Variants in SLC7A2 observed in about 807,000 individuals in gnomAD.
The protein encoded by SLC7A2 is cationic amino acid transporter 2.
A neutral mutation model predicts 58.9 loss-of-function variants in SLC7A2; 48 were observed. That is an observed-to-expected ratio of 0.82 (90% CI 0.65 to 1.04). The LOEUF is 1.04. Among genes scored for constraint, SLC7A2 ranks in the 50% least tolerant of loss-of-function variants. The pLI is 0.00. For missense variants in SLC7A2, 1,029 were observed against 818.8 expected, an observed-to-expected ratio of 1.26 and a Z score of -3.13; for synonymous variants, 363 against 314.5, an observed-to-expected ratio of 1.15 and a Z score of -1.63.
rs775212018 is a variant in SLC7A2, at chr8:17,558,403, T to A, written c.1298+6T>A. 6.3e-7 allele frequency: 1 copy of A among 1,587,168 alleles called. No individual in the cohort carries two copies. The highest frequency in any genetic ancestry group is 1.1e-5 in the South Asian group (1 of 89,966). On this transcript the variant is annotated splice_donor_region_variant and intron_variant, in intron 9 of 12. Coordinates refer to ENST00000494857, the MANE Select transcript of SLC7A2 (RefSeq NM_001370338.1). ...GCCTGTGTTCTCATCCTCAGGTGAG[T>A]CACCTGGTGGTTCTACAGGGTGTAC...
At position 17,563,468 on chromosome 8, in the gene SLC7A2, C is replaced by T. The variant is rs150858134; in HGVS notation, c.1672-135C>T. On this transcript the variant is annotated intron_variant, in intron 11 of 12. Coordinates refer to ENST00000494857, the MANE Select transcript of SLC7A2 (RefSeq NM_001370338.1). ...AGATGTGATTCTCCTTTTATGGTCT[C>T]TAGAAGCGTGGTTTTAACTGTGATT... 1,822 of 624,276 alleles carry T rather than the reference C, an allele frequency of 2.9e-3. 30 individuals carry two copies. The highest frequency in any genetic ancestry group is 0.026 in the African/African-American group (1,439 of 54,420). 38.7% of individuals were successfully genotyped at this position (624,276 alleles called of 1,614,324 possible).
rs1803385996 is a variant in SLC7A2, at chr8:17,568,857, G to A, written c.*3711G>A. The A allele has an allele frequency of 6.6e-6, 1 of 152,144 alleles. No individual in the cohort carries two copies. Among genetic ancestry groups the A allele is most frequent in the Non-Finnish European group, 1.5e-5 (1 of 68,086 alleles). 9.4% of individuals were successfully genotyped at this position (152,144 alleles called of 1,614,324 possible). On this transcript the variant is annotated 3_prime_UTR_variant, in exon 13 of 13. Transcript: ENST00000494857. ...CATGCACATGTAGTCAGAGCTACTG[G>A]GGGTGCTGAGGTGGGAGGATCGCTT... is the stretch of plus-strand genomic sequence containing the variant.
intron 1 of SLC7A2, chr8:17,499,994 T>C (rs746295970): frequency 6.6e-6 from 1 of 152,242 alleles, no homozygotes; most frequent in African/African-American, 2.4e-5. Flanking sequence ...AAAAGATGTT[T>C]TATCTGTCTT....
At position 17,565,769 on chromosome 8, in the gene SLC7A2, G is replaced by C. The variant is rs1262449833; in HGVS notation, c.*623G>C. The C allele has an allele frequency of 2.0e-5, 3 of 152,312 alleles. No homozygotes were observed. Among genetic ancestry groups the C allele is most frequent in the Non-Finnish European group, 2.9e-5 (2 of 68,110 alleles). The allele number at this position is 152,312 out of a possible 1,614,324, so 9.4% of individuals were successfully genotyped here. Reference sequence around the variant, plus strand: ...ATTTTTTTTCCTGTGAGGTATGACAGTTTGCTCAAACTTCAGCCAACAGGG... The same window carrying C: ...ATTTTTTTTCCTGTGAGGTATGACACTTTGCTCAAACTTCAGCCAACAGGG... On this transcript the variant is annotated 3_prime_UTR_variant, in exon 13 of 13. Transcript: ENST00000494857.
intron 8 of SLC7A2, among the ~76,000 whole-genome samples, chr8:17,557,234 T>C (rs904932149): frequency 6.6e-6 from 1 of 152,236 alleles, no homozygotes; most frequent in Admixed American, 6.5e-5. Flanking sequence ...ATAAATGGAA[T>C]GTGATGTTAT....
At chr8:17,524,522 T>A (rs1309065254) in intron 2 of SLC7A2, among the ~76,000 whole-genome samples, 1 of 151,772 alleles carries the variant, frequency 6.6e-6, no homozygotes, top group African/African-American at 2.4e-5. Context: ...CTGGATGGAA[T>A]TGGATACTAT....
At position 17,568,321 on chromosome 8, in the gene SLC7A2, C is replaced by G. The variant is rs2150796459; in HGVS notation, c.*3175C>G. 1 of 151,986 alleles carries G rather than the reference C, an allele frequency of 6.6e-6. No homozygotes were observed. Among genetic ancestry groups the G allele is most frequent in the Non-Finnish European group, 1.5e-5 (1 of 67,990 alleles). 9.4% of individuals were successfully genotyped at this position (151,986 alleles called of 1,614,324 possible). On this transcript the variant is annotated 3_prime_UTR_variant, in exon 13 of 13. Transcript: ENST00000494857. ...ACATTTAAGAATAGAGCTATGCAAA[C>G]TCTGTTAAAAACTATGAGGAAAACT...
chr8:17,513,362 TG>T (rs1256296534), intron 2 of SLC7A2, among the ~76,000 whole-genome samples: 105 of 152,282 alleles, frequency 6.9e-4, no homozygotes, highest in African/African-American at 2.2e-3. Context: ...TAAGGGATAC[TG>T]AAGTCTGAAG....
At position 17,555,159 on chromosome 8, in the gene SLC7A2, T is replaced by C. The variant is rs1412184159; in HGVS notation, c.1195+460T>C. Reference sequence around the variant, plus strand: ...CGCATGCATGGACTTATAAAGAGGGTCTGCATGCTGTGCATGTAAGTTAAA... The same window carrying C: ...CGCATGCATGGACTTATAAAGAGGGCCTGCATGCTGTGCATGTAAGTTAAA... On this transcript the variant is annotated intron_variant, in intron 8 of 12. Transcript: ENST00000494857. The C allele has an allele frequency of 3.6e-6, 5 of 1,377,800 alleles. No homozygotes were observed. In the African/African-American group the frequency reaches 7.3e-5, roughly 20 times the overall value. 85.3% of individuals were successfully genotyped at this position (1,377,800 alleles called of 1,614,324 possible).
intron 2 of SLC7A2, among the ~76,000 whole-genome samples, chr8:17,541,727 T>C (rs1801919809): frequency 6.6e-6 from 1 of 152,258 alleles, no homozygotes. Flanking sequence ...AAGTTGTACA[T>C]ATTCATTGGA....
At chr8:17,509,302 C>CCTT (rs1554531193) in intron 2 of SLC7A2, among the ~76,000 whole-genome samples, 16 of 151,858 alleles carry the variant, frequency 1.1e-4, no homozygotes, top group Admixed American at 1.1e-3. Flanking sequence ...AGTATAATTT[C>CCTT]CTTATTCTTC....
At position 17,568,532 on chromosome 8, in the gene SLC7A2, A is replaced by T. The variant is rs1275454438; in HGVS notation, c.*3386A>T. 1 of 152,066 alleles carries T rather than the reference A, an allele frequency of 6.6e-6. No individual in the cohort carries two copies. The highest frequency in any genetic ancestry group is 1.5e-5 in the Non-Finnish European group (1 of 68,034). 9.4% of individuals were successfully genotyped at this position (152,066 alleles called of 1,614,324 possible). A position where few individuals can be genotyped will look rare whatever the true frequency, so the allele number is the denominator to read the frequency against. ...GATAGAAAATATTAGTTTCAGAATT[A>T]CCCTCCTTTAAAAAATAAGAGACTA... On this transcript the variant is annotated 3_prime_UTR_variant, in exon 13 of 13. Coordinates refer to ENST00000494857, the MANE Select transcript of SLC7A2 (RefSeq NM_001370338.1).
chr8:17,496,577 C>T (rs2720546), upstream of SLC7A2, among the ~76,000 whole-genome samples: 127,532 of 152,136 alleles, frequency 0.84, 53,669 homozygotes, highest in East Asian at 0.91. Context: ...GTATTCATAC[C>T]ACTGGAGTCT....
At chr8:17,512,093 G>C (rs1800625479) in intron 2 of SLC7A2, among the ~76,000 whole-genome samples, 1 of 152,132 alleles carries the variant, frequency 6.6e-6, no homozygotes, top group East Asian at 1.9e-4. Flanking sequence ...CTTAGGTAGA[G>C]ACATACACAA....
At chr8:17,563,396 T>C (rs909011992) in intron 11 of SLC7A2, among the ~76,000 whole-genome samples, 3 of 152,222 alleles carry the variant, frequency 2.0e-5, no homozygotes, top group Non-Finnish European at 4.4e-5. Flanking sequence ...CAGGTGTTAC[T>C]GAATCTGATA....
intron 9 of SLC7A2, among the ~76,000 whole-genome samples, 156 bp from the exon 10 acceptor site, chr8:17,560,172 C>G (rs1204501249): frequency 2.0e-5 from 3 of 152,052 alleles, no homozygotes; most frequent in Middle Eastern, 3.2e-3. Flanking sequence ...AGGTTTGTGT[C>G]CTGGCTCAGC....
chr8:17,508,846 A>T (rs541068288), intron 2 of SLC7A2, among the ~76,000 whole-genome samples: 13 of 152,338 alleles, frequency 8.5e-5, no homozygotes, highest in African/African-American at 3.1e-4. Flanking sequence ...TTTTATAAGG[A>T]TTTTAAAAAC....
At position 17,565,000 on chromosome 8, in the gene SLC7A2, C is replaced by G. The variant is rs138744168; in HGVS notation, c.1831C>G (p.Leu611Val). The G allele has an allele frequency of 2.5e-5, 40 of 1,613,606 alleles. No individual in the cohort carries two copies. In the African/African-American group the frequency reaches 5.1e-4, roughly 20 times the overall value. ...CATTAGACACAGCCTGGAGGGTCAT[C>G]TGAGAGATGAAAACAATGAAGAAGA... Reference protein sequence around the residue: ...YGIRHSLEGHLRDENNEEDAY... With the variant: ...YGIRHSLEGHVRDENNEEDAY... Residue 611 changes from leucine (L) to valine (V), a missense_variant, in exon 13 of 13, where the codon CTG becomes GTG. Physicochemically the swap from Leu to Val is conservative, Grantham distance 32. Coordinates refer to ENST00000494857, the MANE Select transcript of SLC7A2 (RefSeq NM_001370338.1).
chr8:17,520,798 A>G (rs1800985905), intron 2 of SLC7A2: 10 of 690,004 alleles, frequency 1.4e-5, no homozygotes, highest in Non-Finnish European at 1.6e-5. Context: ...AGCAGAGGAT[A>G]TTTTTAAATA....
Sources: allele counts gnomAD v4.1 joint callset (sites outside exome capture counted in the v4.1 genomes callset), GRCh38; gene constraint gnomAD v4.1.1; transcripts MANE v1.5; gene names NCBI Gene and HGNC (gene_info 2026-07-23, HGNC 2026-07-21).